Variants in TPTE observed in about 807,000 individuals in gnomAD.
TPTE encodes the protein putative tyrosine-protein phosphatase TPTE.
Under a neutral mutation model 84.1 loss-of-function variants are expected in TPTE, and 59 were observed. The observed-to-expected ratio is 0.70, with a 90% confidence interval of 0.57 to 0.87. The LOEUF (loss-of-function observed/expected upper bound fraction) is 0.87. TPTE is among the 40% of genes least tolerant of loss of function. The pLI is 0.00. For synonymous variants in TPTE, 130 were observed against 223.5 expected (o/e 0.58, Z 3.73); for missense variants, 382 against 659.6 (o/e 0.58, Z 4.61).
At chr21:10,546,067 T>C (rs983715340) in intron 7 of TPTE, among the ~76,000 whole-genome samples, 39 of 152,414 alleles carry the variant, frequency 2.6e-4, no homozygotes, top group Middle Eastern at 3.4e-3. Context: ...CAGATATTAC[T>C]TTTTTGTAAA....
intron 21 of TPTE, among the ~76,000 whole-genome samples, chr21:10,598,947 C>A (rs1385064761): frequency 7.2e-5 from 11 of 152,280 alleles, no homozygotes; most frequent in Admixed American, 1.3e-4. Flanking sequence ...TTAGCAAATA[C>A]TTTACTCTTA....
chr21:10,544,660 G>A (rs544039809), intron 7 of TPTE, among the ~76,000 whole-genome samples: 20 of 152,420 alleles, frequency 1.3e-4, no homozygotes, highest in African/African-American at 3.1e-4. Context: ...CTGGGTTTAC[G>A]GTCATGAGCC....
At chr21:10,559,853 G>C (rs1447054835) in intron 9 of TPTE, among the ~76,000 whole-genome samples, 14 of 138,596 alleles carry the variant, frequency 1.0e-4, no homozygotes, top group African/African-American at 1.7e-4. Flanking sequence ...CAGCCTTGGC[G>C]ACACAGCAAG....
chr21:10,575,962 G>T lies in TPTE; in HGVS notation c.796-1498G>T, dbSNP rs1210703769. On this transcript the variant is annotated intron_variant, in intron 14 of 23. Transcript: ENST00000618007. ...ATGCTGGGAAGGTTGCAGAGACAAA[G>T]AAATGCTGTTGGTGGGTGTGTAAAT... 7.9e-5 allele frequency among the ~76,000 whole-genome samples: 12 copies of T among 151,982 alleles called. No individual in the cohort carries two copies. In the East Asian group the frequency reaches 2.1e-3, roughly 27 times the overall value.
chr21:10,523,966 C>T (rs1263165931), intron 1 of TPTE, among the ~76,000 whole-genome samples: 1 of 152,304 alleles, frequency 6.6e-6, no homozygotes, highest in East Asian at 1.9e-4. Flanking sequence ...CCTGTTGTTT[C>T]CTGACTTTTT....
intron 20 of TPTE, among the ~76,000 whole-genome samples, chr21:10,597,087 G>T (rs2145791925): frequency 6.6e-6 from 1 of 152,430 alleles, no homozygotes; most frequent in South Asian, 2.1e-4. Flanking sequence ...GTAGAGTTGA[G>T]AGGAAAGCAA....
intron 17 of TPTE, among the ~76,000 whole-genome samples, chr21:10,582,352 G>C (rs2145745517): frequency 6.6e-6 from 1 of 152,430 alleles, no homozygotes; most frequent in African/African-American, 2.4e-5. Flanking sequence ...CTGTTCCTAA[G>C]TTCTCTCTAC....
At chr21:10,551,263 A>G (rs2074567299) in intron 7 of TPTE, among the ~76,000 whole-genome samples, 1 of 142,766 alleles carries the variant, frequency 7.0e-6, no homozygotes, top group Non-Finnish European at 1.5e-5. Flanking sequence ...AGGAAGGGGG[A>G]CATCACACAC....
intron 10 of TPTE, among the ~76,000 whole-genome samples, chr21:10,564,969 T>C (rs1486525723): frequency 6.6e-6 from 1 of 152,292 alleles, no homozygotes; most frequent in African/African-American, 2.4e-5. Context: ...TTTACCACCG[T>C]TGTTCAACAT....
chr21:10,535,334 C>G (rs1414860826), intron 3 of TPTE, among the ~76,000 whole-genome samples: 5 of 152,302 alleles, frequency 3.3e-5, no homozygotes, highest in African/African-American at 4.8e-5. Flanking sequence ...ACATAACATA[C>G]ACGCATGCAT....
chr21:10,598,542 T>A (rs560511414), intron 21 of TPTE, among the ~76,000 whole-genome samples: 76 of 152,040 alleles, frequency 5.0e-4, no homozygotes, highest in African/African-American at 1.7e-3. Context: ...CCCCAAAGTA[T>A]GATTCAGGAA....
At chr21:10,549,865 C>CATTAT (rs2074540969) in intron 7 of TPTE, among the ~76,000 whole-genome samples, 2 of 152,190 alleles carry the variant, frequency 1.3e-5, no homozygotes, top group South Asian at 4.1e-4. Context: ...TCAACCCAGA[C>CATTAT]ATTATAGTCA....
chr21:10,602,292 AAG>A (rs2145808533), intron 22 of TPTE, 142 bp downstream of exon 22: 2 of 1,034,440 alleles, frequency 1.9e-6, no homozygotes, highest in Admixed American at 2.0e-5. Flanking sequence ...ATTTTTTTAA[AAG>A]AGCGTATGTA....
chr21:10,551,172 A>C (rs573573306), intron 7 of TPTE, among the ~76,000 whole-genome samples: 6 of 152,428 alleles, frequency 3.9e-5, no homozygotes, highest in Non-Finnish European at 8.8e-5. Context: ...TTTTTTCAGC[A>C]AACTGTCGCA....
At chr21:10,548,864 G>A (rs1266751246) in intron 7 of TPTE, among the ~76,000 whole-genome samples, 1 of 152,310 alleles carries the variant, frequency 6.6e-6, no homozygotes, top group African/African-American at 2.4e-5. Flanking sequence ...CTGGGCCTGA[G>A]AAACTGTCCT....
intron 11 of TPTE, among the ~76,000 whole-genome samples, chr21:10,568,626 T>C (rs2074974994): frequency 6.6e-6 from 1 of 152,312 alleles, no homozygotes; most frequent in Non-Finnish European, 1.5e-5. Flanking sequence ...GCATGTTAAG[T>C]GATAGGCTTT....
At chr21:10,534,266 G>A (rs962268864) in intron 3 of TPTE, among the ~76,000 whole-genome samples, 1 of 152,308 alleles carries the variant, frequency 6.6e-6, no homozygotes, top group Non-Finnish European at 1.5e-5. Context: ...CTTTGGAGAT[G>A]TAGGCAGGTG....
intron 4 of TPTE, among the ~76,000 whole-genome samples, chr21:10,539,087 A>G (rs1378327324): frequency 6.6e-5 from 10 of 152,308 alleles, no homozygotes; most frequent in Non-Finnish European, 1.5e-4. Context: ...GCTGCTTCCT[A>G]TGTTAGTGTA....
intron 17 of TPTE, among the ~76,000 whole-genome samples, chr21:10,582,850 G>A (rs2075294963): frequency 6.6e-6 from 1 of 152,308 alleles, no homozygotes; most frequent in South Asian, 2.1e-4. Context: ...TCTCATGCCT[G>A]TGCCTCCAGA....
Sources: gnomAD v4.1 joint callset for allele counts (sites outside exome capture counted in the v4.1 genomes callset) on GRCh38, gnomAD v4.1.1 for gene constraint, MANE v1.5 for transcripts, NCBI Gene and HGNC (gene_info 2026-07-23, HGNC 2026-07-21) for gene names.